The following TANGO6 variants were observed in gnomAD, a reference collection of about 807,000 sequenced individuals.
TANGO6 encodes the protein transport and golgi organization 6 homolog.
TANGO6 carries 90 observed loss-of-function variants against 114.2 expected under a neutral mutation model. The observed-to-expected ratio is 0.79, with a 90% CI of 0.66 to 0.94. TANGO6 has a LOEUF of 0.94. Ranked by LOEUF, TANGO6 falls within the 40% of genes least tolerant of loss-of-function variation. The pLI is 0.00. For missense variants in TANGO6, 1,274 were observed against 1,315.3 expected (o/e 0.97, Z 0.49); for synonymous variants, 477 against 509.8 (o/e 0.94, Z 0.87).
chr16:69,066,441 C>T (rs889419432), intron 17 of TANGO6, among the ~76,000 whole-genome samples: 2 of 152,032 alleles, frequency 1.3e-5, no homozygotes, highest in African/African-American at 4.8e-5. Flanking sequence ...ATTACAGGCA[C>T]ACACCACAAT....
In TANGO6 at chr16:69,083,996, C is replaced by G. The variant is rs904280143; in HGVS notation, c.*335C>G. The stretch of plus-strand genomic sequence containing the variant: ...CTGATGGAATTTCACTAATTGCCCA[C>G]TCTCTTGGAACTTGAGGAGAAGCGG... On this transcript the variant is annotated 3_prime_UTR_variant, in exon 18 of 18. Coordinates refer to ENST00000261778, the MANE Select transcript of TANGO6 (RefSeq NM_024562.2). 1 of 182,534 alleles carries G rather than the reference C, an allele frequency of 5.5e-6. No individual in the cohort carries two copies. Among genetic ancestry groups the G allele is most frequent in the Non-Finnish European group, 1.1e-5 (1 of 87,716 alleles). The allele number at this position is 182,534 out of a possible 1,614,324, so 11.3% of individuals were successfully genotyped here.
At chr16:68,975,793 G>A (rs995690811) in intron 15 of TANGO6, among the ~76,000 whole-genome samples, 1 of 152,028 alleles carries the variant, frequency 6.6e-6, no homozygotes, top group Non-Finnish European at 1.5e-5. Context: ...CTGGGCTCAA[G>A]CAATCCTCCT....
intron 14 of TANGO6, among the ~76,000 whole-genome samples, chr16:68,957,534 A>G (rs1440008915): frequency 6.6e-6 from 1 of 151,334 alleles, no homozygotes; most frequent in East Asian, 1.9e-4. Flanking sequence ...AATAGCTGGG[A>G]TTACAAGCGC....
At chr16:68,950,824 A>G (rs917829723) in intron 14 of TANGO6, among the ~76,000 whole-genome samples, 1 of 152,056 alleles carries the variant, frequency 6.6e-6, no homozygotes, top group Non-Finnish European at 1.5e-5. Flanking sequence ...GCACCGTTGC[A>G]CTCCAGCCTG....
chr16:69,064,074 T>A (rs1960178392), intron 17 of TANGO6, among the ~76,000 whole-genome samples: 1 of 151,938 alleles, frequency 6.6e-6, no homozygotes. Context: ...TGTCCTCAAA[T>A]GATCTGCCCG....
At chr16:68,975,625 A>T (rs1248876794) in intron 15 of TANGO6, among the ~76,000 whole-genome samples, 1 of 151,082 alleles carries the variant, frequency 6.6e-6, no homozygotes, top group Non-Finnish European at 1.5e-5. Context: ...TGGTGCATTC[A>T]TGGCTTACTG....
At chr16:68,974,701 C>G (rs975057445) in intron 15 of TANGO6, among the ~76,000 whole-genome samples, 1 of 151,846 alleles carries the variant, frequency 6.6e-6, no homozygotes, top group Non-Finnish European at 1.5e-5. Context: ...GTCTCCTTCC[C>G]TGGGAGCTGT....
intron 13 of TANGO6, among the ~76,000 whole-genome samples, chr16:68,928,566 C>T (rs1963201253): frequency 6.6e-6 from 1 of 152,072 alleles, no homozygotes; most frequent in South Asian, 2.1e-4. Context: ...TCCCAAAGTG[C>T]TGGGATTACA....
chr16:68,859,221 A>C (rs1307013968), intron 1 of TANGO6, among the ~76,000 whole-genome samples: 11 of 152,070 alleles, frequency 7.2e-5, no homozygotes, highest in Non-Finnish European at 5.9e-5. Context: ...CCCAGGCTAG[A>C]GTGCGGTGGC....
chr16:68,977,450 T>C (rs1963775648), intron 15 of TANGO6, among the ~76,000 whole-genome samples: 1 of 151,394 alleles, frequency 6.6e-6, no homozygotes, highest in Admixed American at 6.6e-5. Flanking sequence ...TCCCAGCACT[T>C]TGGGAGGCCA....
chr16:68,976,722 G>A (rs1028260942), intron 15 of TANGO6, among the ~76,000 whole-genome samples: 5 of 152,142 alleles, frequency 3.3e-5, no homozygotes, highest in Non-Finnish European at 4.4e-5. Context: ...GCCAGCTAGC[G>A]GCCATATTGA....
chr16:69,076,989 T>C (rs1270974386), intron 17 of TANGO6, among the ~76,000 whole-genome samples: 1 of 151,992 alleles, frequency 6.6e-6, no homozygotes, highest in Non-Finnish European at 1.5e-5. Flanking sequence ...AGAGCACGAC[T>C]CTGTCTCAAA....
intron 17 of TANGO6, among the ~76,000 whole-genome samples, chr16:69,074,822 GT>G (rs1960349287): frequency 6.6e-6 from 1 of 150,468 alleles, no homozygotes; most frequent in African/African-American, 2.5e-5. Context: ...GTGTGTGTGT[GT>G]GTGTGTGTGT....
chr16:69,040,097 A>G (rs1959749927), intron 16 of TANGO6, among the ~76,000 whole-genome samples: 1 of 152,140 alleles, frequency 6.6e-6, no homozygotes, highest in South Asian at 2.1e-4. Context: ...TGAATTCCAA[A>G]CTGGATTTTG....
intron 14 of TANGO6, among the ~76,000 whole-genome samples, chr16:68,953,050 T>TTTATTATTA (rs71383944): frequency 0.15 from 20,680 of 138,996 alleles, 1,556 homozygotes; most frequent in East Asian, 0.23. Context: ...ACAGGTATTT[T>TTTATTATTA]TTATTATTAT....
chr16:68,867,038 T>C, intron 3 of TANGO6, 41 bp from the exon 4 acceptor site: 1 of 1,558,058 alleles, frequency 6.4e-7, no homozygotes, highest in Admixed American at 1.8e-5. Flanking sequence ...TCATATCTAT[T>C]TCAGTGACAT....
chr16:68,937,875 T>C (rs1246392346), intron 14 of TANGO6: 5 of 152,234 alleles, frequency 3.3e-5, no homozygotes, highest in Admixed American at 3.3e-4. Context: ...TTGGCTATTA[T>C]GAATAGTGTT....
At chr16:68,937,829 G>A (rs1281749023) in intron 14 of TANGO6, 2 of 152,204 alleles carry the variant, frequency 1.3e-5, no homozygotes, top group East Asian at 1.9e-4. Context: ...CTATTATGAC[G>A]AGATCAGGCG....
At chr16:69,040,556 T>G in intron 17 of TANGO6, 135 bp downstream of exon 17, 2 of 717,684 alleles carry the variant, frequency 2.8e-6, no homozygotes, top group South Asian at 3.7e-5. Flanking sequence ...AACAGGGATT[T>G]TGTAGCAGGA....
Sources: allele counts gnomAD v4.1 joint callset (sites outside exome capture counted in the v4.1 genomes callset), GRCh38; gene constraint gnomAD v4.1.1; transcripts MANE v1.5; gene names NCBI Gene and HGNC (gene_info 2026-07-23, HGNC 2026-07-21).